Variants in UPK1B observed in about 807,000 individuals in gnomAD.
UPK1B encodes uroplakin 1B, also known as uroplakin-1b.
A neutral mutation model predicts 34.2 loss-of-function variants in UPK1B; 28 were observed. The observed-to-expected ratio is 0.82, with a 90% CI of 0.61 to 1.12. The LOEUF (loss-of-function observed/expected upper bound fraction) is 1.12, where lower values mean the gene tolerates loss of function less well. UPK1B is among the 50% of genes most tolerant of loss of function. The pLI, the probability that UPK1B is intolerant of heterozygous loss-of-function variation, is 0.00. For missense variants in UPK1B, 325 were observed against 320.9 expected (o/e 1.01, Z -0.10); for synonymous variants, 81 against 110.4 (o/e 0.73, Z 1.67).
intron 1 of UPK1B, among the ~76,000 whole-genome samples, chr3:119,174,702 T>A (rs1302030664): frequency 1.3e-5 from 2 of 152,216 alleles, no homozygotes; most frequent in Non-Finnish European, 2.9e-5. Context: ...AAAGAACTCA[T>A]TAGGTTTTAT....
intron 1 of UPK1B, among the ~76,000 whole-genome samples, chr3:119,185,532 T>C (rs1197849470): frequency 7.0e-6 from 1 of 142,228 alleles, no homozygotes; most frequent in Non-Finnish European, 1.5e-5. Flanking sequence ...ACCATACACA[T>C]CCTGCAAGAC....
At chr3:119,193,717 T>C (rs1316701790) in intron 5 of UPK1B, among the ~76,000 whole-genome samples, 1 of 152,230 alleles carries the variant, frequency 6.6e-6, no homozygotes, top group Non-Finnish European at 1.5e-5. Context: ...CTCAATTTGC[T>C]TTGATATAAT....
At chr3:119,180,765 C>G (rs1236112431) in intron 1 of UPK1B, among the ~76,000 whole-genome samples, 1 of 152,012 alleles carries the variant, frequency 6.6e-6, no homozygotes, top group East Asian at 1.9e-4. Context: ...CCCCTATGCA[C>G]AGGCATTTAT....
At chr3:119,177,678 A>C (rs539802329) in intron 1 of UPK1B, among the ~76,000 whole-genome samples, 6 of 152,392 alleles carry the variant, frequency 3.9e-5, no homozygotes, top group South Asian at 4.1e-4. Context: ...TTAATTTAAA[A>C]GTTTATAATT....
intron 1 of UPK1B, among the ~76,000 whole-genome samples, chr3:119,185,239 A>C (rs1408448334): frequency 1.3e-5 from 2 of 152,238 alleles, no homozygotes; most frequent in East Asian, 3.8e-4. Flanking sequence ...CCAGGTAAAC[A>C]GATAAAGGAA....
Position 119,178,778 on chromosome 3 carries a change from G to A in UPK1B, c.-29+5140G>A, listed in dbSNP as rs75656294. 3.4e-3 allele frequency among the ~76,000 whole-genome samples: 525 copies of A among 152,294 alleles called. 1 individual carries two copies. The highest frequency in any genetic ancestry group is 0.012 in the African/African-American group (489 of 41,540). ...ATTGGCATCAAAACATGTTGTCCCA[G>A]TAAATGGAACATCTGTGTTTTGGAG... On this transcript the variant is annotated intron_variant, in intron 1 of 7. Transcript: ENST00000264234.
At chr3:119,181,706 C>A (rs1262070061) in intron 1 of UPK1B, among the ~76,000 whole-genome samples, 3 of 152,164 alleles carry the variant, frequency 2.0e-5, no homozygotes, top group Non-Finnish European at 4.4e-5. Context: ...TATTTATTTA[C>A]TTTATCTTTT....
rs141314711 is a variant in UPK1B at position 119,198,732 on chromosome 3, C to T, written c.649-325C>T. Among the ~76,000 whole-genome samples, 1,339 of 152,206 alleles carry T rather than the reference C, an allele frequency of 8.8e-3. 18 individuals are homozygous for T. The highest frequency in any genetic ancestry group is 0.031 in the African/African-American group (1,276 of 41,546). On this transcript the variant is annotated intron_variant, in intron 6 of 7. Coordinates refer to ENST00000264234, the MANE Select transcript of UPK1B (RefSeq NM_006952.4). Reference sequence around the variant, plus strand: ...CGAAGCCTTTGGGGAGGGAAAAATTCTAATTGAATTAAGATTTTTGAATTT... The same window carrying T: ...CGAAGCCTTTGGGGAGGGAAAAATTTTAATTGAATTAAGATTTTTGAATTT...
intron 4 of UPK1B, 60 bp downstream of exon 4, chr3:119,190,379 G>C (rs2107432893): frequency 3.1e-6 from 4 of 1,306,952 alleles, no homozygotes; most frequent in Non-Finnish European, 4.4e-6. Context: ...CAACCAACAT[G>C]TATTAACCCC....
At chr3:119,184,131 C>G (rs375086302) in intron 1 of UPK1B, among the ~76,000 whole-genome samples, 1 of 152,264 alleles carries the variant, frequency 6.6e-6, no homozygotes, top group South Asian at 2.1e-4. Flanking sequence ...TTCTTTTCTC[C>G]CACTTTTATC....
At chr3:119,181,694 ATTAT>A (rs1371809048) in intron 1 of UPK1B, among the ~76,000 whole-genome samples, 1 of 152,224 alleles carries the variant, frequency 6.6e-6, no homozygotes, top group Non-Finnish European at 1.5e-5. Flanking sequence ...TCAAATAAAC[ATTAT>A]TTATTTACTT....
At chr3:119,198,626 A>C (rs1338669129) in intron 6 of UPK1B, among the ~76,000 whole-genome samples, 1 of 152,192 alleles carries the variant, frequency 6.6e-6, no homozygotes, top group Non-Finnish European at 1.5e-5. Flanking sequence ...GCAACAGGGG[A>C]CCTCTGGTTT....
chr3:119,189,762 C>G (rs565870554), intron 3 of UPK1B, among the ~76,000 whole-genome samples: 11 of 152,312 alleles, frequency 7.2e-5, no homozygotes, highest in South Asian at 6.2e-4. Context: ...TTTCTGAACT[C>G]CGTGATTCTA....
intron 1 of UPK1B, among the ~76,000 whole-genome samples, chr3:119,175,322 C>T (rs1040186579): frequency 3.9e-5 from 6 of 152,068 alleles, no homozygotes; most frequent in Non-Finnish European, 7.4e-5. Flanking sequence ...CCACCGCACC[C>T]GGCCAAAACT....
At chr3:119,188,088 A>G (rs1199848984) in intron 3 of UPK1B, 113 bp downstream of exon 3, 2 of 1,082,086 alleles carry the variant, frequency 1.8e-6, no homozygotes, top group Non-Finnish European at 2.8e-6. Context: ...GTACCAGATA[A>G]GGGGTGAGGA....
In UPK1B at chr3:119,203,996, C is replaced by T. The variant is rs114878363; in HGVS notation, c.*29C>T. On this transcript the variant is annotated 3_prime_UTR_variant, in exon 8 of 8. Coordinates refer to ENST00000264234, the MANE Select transcript of UPK1B (RefSeq NM_006952.4). ...TAAAGTGTTGCCACCATACCTCCTTCCCCGAGTGACTCTGGATTTGGTGCT... is the reference window on the plus strand; with the variant it reads ...TAAAGTGTTGCCACCATACCTCCTTTCCCGAGTGACTCTGGATTTGGTGCT... The T allele has an allele frequency of 1.5e-3, 2,380 of 1,611,586 alleles. 29 individuals carry two copies. The African/African-American group carries it at 0.028, about 19-fold the overall frequency.
chr3:119,191,873 T>G (rs2078046586), intron 5 of UPK1B, among the ~76,000 whole-genome samples: 1 of 152,160 alleles, frequency 6.6e-6, no homozygotes, highest in Admixed American at 6.5e-5. Flanking sequence ...TTGCCATTAC[T>G]TACCAGCCTC....
At position 119,194,322 on chromosome 3, in the gene UPK1B, G is replaced by A; in HGVS notation, c.572G>A (p.Cys191Tyr). Residue 191 changes from cysteine (C) to tyrosine (Y), a missense_variant, in exon 6 of 8, where the codon TGT becomes TAT. Coordinates refer to ENST00000264234, the MANE Select transcript of UPK1B (RefSeq NM_006952.4). ...DADYPWPRQC[C>Y]VMNNLKEPLN... ...GACTATCCCTGGCCTCGTCAATGCTGTGTTATGAACAATCTTAAAGAACCT... is the reference window on the plus strand; with the variant it reads ...GACTATCCCTGGCCTCGTCAATGCTATGTTATGAACAATCTTAAAGAACCT... 6.2e-7 allele frequency: 1 copy of A among 1,613,992 alleles called. No individual in the cohort carries two copies. The highest frequency in any genetic ancestry group is 8.5e-7 in the Non-Finnish European group (1 of 1,179,906).
chr3:119,201,442 C>A (rs1009032324), intron 7 of UPK1B, among the ~76,000 whole-genome samples: 1 of 152,184 alleles, frequency 6.6e-6, no homozygotes, highest in Admixed American at 6.5e-5. Context: ...GGCAACACAG[C>A]GTGTGCAGGG....
Sources: gnomAD v4.1 joint callset for allele counts (sites outside exome capture counted in the v4.1 genomes callset) on GRCh38, gnomAD v4.1.1 for gene constraint, MANE v1.5 for transcripts, NCBI Gene and HGNC (gene_info 2026-07-23, HGNC 2026-07-21) for gene names.